The following USP36 variants were observed in gnomAD, a reference collection of about 807,000 sequenced individuals.
The protein encoded by USP36 is ubiquitin specific peptidase 36.
A neutral mutation model predicts 111.5 loss-of-function variants in USP36; 59 were observed. The observed-to-expected ratio is 0.53, with a 90% CI of 0.43 to 0.66. The LOEUF (loss-of-function observed/expected upper bound fraction) is 0.66. Ranked by LOEUF, USP36 falls within the 30% of genes least tolerant of loss-of-function variation. The probability of loss-of-function intolerance (pLI) is 0.00; values close to 1 mark genes in which losing one functional copy is unlikely to be tolerated. For synonymous variants in USP36, 628 were observed against 581.0 expected (o/e 1.08, Z -1.16); for missense variants, 1,488 against 1,468.0 (o/e 1.01, Z -0.22).
intron 5 of USP36, among the ~76,000 whole-genome samples, chr17:78,827,926 A>T (rs941029625): frequency 6.6e-6 from 1 of 152,140 alleles, no homozygotes; most frequent in African/African-American, 2.4e-5. Context: ...GAAAAAGAAT[A>T]AAGAATGTAA....
chr17:78,806,957 AC>A lies in USP36; in HGVS notation c.2085+1del. 1.2e-6 allele frequency: 2 copies of A among 1,613,592 alleles called. No individual in the cohort carries two copies. Among genetic ancestry groups the A allele is most frequent in the Non-Finnish European group, 1.7e-6 (2 of 1,179,632 alleles). ...GCAGCGGCGAGACCCCCACACACCC[AC>A]CTTCTTGGCAGAAAGGGCCAGTTTT... On this transcript the variant is annotated splice_donor_variant, in intron 14 of 20. Coordinates refer to ENST00000449938, the MANE Select transcript of USP36 (RefSeq NM_001385174.1). LOFTEE classifies it high-confidence loss of function.
rs752631032 is a variant in USP36, at chr17:78,807,031, G to T, written c.2013C>A (p.Ser671Arg). The T allele has an allele frequency of 1.9e-6, 3 of 1,614,116 alleles. No individual in the cohort carries two copies. Among genetic ancestry groups the T allele is most frequent in the Non-Finnish European group, 2.5e-6 (3 of 1,180,042 alleles). The change falls in exon 14 of 21, where the codon AGC (serine) becomes AGA (arginine). Residue 671 changes from serine to arginine, a missense_variant. Physicochemically the swap from Ser to Arg is moderately radical, Grantham distance 110. Transcript: ENST00000449938. ...KTVKLKSPVL[S>R]NTTTEPASTM... is the part of the protein sequence containing the mutation. The stretch of plus-strand genomic sequence containing the variant: ...TGCTTGCAGGCTCAGTGGTGGTGTT[G>T]CTCAGGACAGGGGACTTCAGCTTCA...
downstream of USP36, among the ~76,000 whole-genome samples, chr17:78,790,769 A>G (rs1332753034): frequency 6.6e-6 from 1 of 152,204 alleles, no homozygotes; most frequent in Non-Finnish European, 1.5e-5. Context: ...TTTCGCAGCA[A>G]GTATTTGCCA....
At position 78,803,911 on chromosome 17, in the gene USP36, G is replaced by A. The variant is rs2093822076; in HGVS notation, c.2284C>T (p.Leu762=). 5 of 1,545,652 alleles carry A rather than the reference G, an allele frequency of 3.2e-6. No homozygotes were observed. The highest frequency in any genetic ancestry group is 2.5e-5 in the East Asian group (1 of 40,006). The part of the protein sequence containing the change: ...QPPFSPHPTL[L]SSTPKPPGTS... ...CCTGGGGGCTTGGGGGTACTGGACA[G>A]CAATGTGGGGTGGGGGCTGAAGGGG... The change falls in exon 16 of 21, where the codon CTG becomes TTG. Residue 762 remains leucine, a synonymous_variant. Coordinates refer to ENST00000449938, the MANE Select transcript of USP36 (RefSeq NM_001385174.1). The surrounding 1 kb of genome is among the most constrained non-coding windows in gnomAD (Gnocchi z 4.6).
At chr17:78,819,022 T>G in intron 9 of USP36, 1 of 359,138 alleles carries the variant, frequency 2.8e-6, no homozygotes, top group East Asian at 5.8e-5. Flanking sequence ...AAAAGTACTG[T>G]ACCCACCAGG....
At chr17:78,808,265 CAG>C (rs1185157776) in intron 13 of USP36, among the ~76,000 whole-genome samples, 4 of 152,154 alleles carry the variant, frequency 2.6e-5, no homozygotes. Context: ...ATCTTTAAGA[CAG>C]AGCCTTGCTC....
chr17:78,790,297 T>G (rs568724433), intron 3 of USP36, among the ~76,000 whole-genome samples: 1 of 151,814 alleles, frequency 6.6e-6, no homozygotes, highest in African/African-American at 2.4e-5. Flanking sequence ...TTTTTCTTTT[T>G]CTTTTTTTTT....
chr17:78,815,836 C>A (rs977646448), intron 10 of USP36, among the ~76,000 whole-genome samples: 1 of 150,606 alleles, frequency 6.6e-6, no homozygotes, highest in Non-Finnish European at 1.5e-5. Flanking sequence ...CACATATATA[C>A]ATACACACAC....
chr17:78,799,033 A>G lies in USP36; in HGVS notation c.3125-10T>C. The G allele has an allele frequency of 6.2e-7, 1 of 1,613,406 alleles. No homozygotes were observed. The highest frequency in any genetic ancestry group is 1.6e-4 in the Middle Eastern group (1 of 6,062). Reference sequence around the variant, plus strand: ...CCATCCCAGGTCAGAACTACCAGGCAGACACGGGGGTCAGCACGAGTGCAG... The same window carrying G: ...CCATCCCAGGTCAGAACTACCAGGCGGACACGGGGGTCAGCACGAGTGCAG... On this transcript the variant is annotated splice_polypyrimidine_tract_variant and intron_variant, in intron 18 of 20. Coordinates refer to ENST00000449938, the MANE Select transcript of USP36 (RefSeq NM_001385174.1).
At position 78,821,845 on chromosome 17, in the gene USP36, A is replaced by G. The variant is rs2094338580; in HGVS notation, c.757+92T>C. On this transcript the variant is annotated intron_variant, in intron 7 of 20. Coordinates refer to ENST00000449938, the MANE Select transcript of USP36 (RefSeq NM_001385174.1). ...ACTGACCCAGGTCTGCACAGCGAAG[A>G]AAGAGCCCCAGCCTGCGTTCCAACT... is the stretch of plus-strand genomic sequence containing the variant. The G allele has an allele frequency of 3.4e-6, 5 of 1,467,850 alleles. No homozygotes were observed. The South Asian group carries it at 3.5e-5, about 10-fold the overall frequency. 90.9% of individuals were successfully genotyped at this position (1,467,850 alleles called of 1,614,324 possible).
Position 78,821,031 on chromosome 17 carries a change from T to C in USP36, c.788A>G (p.Asp263Gly). The change falls in exon 8 of 21, where the codon GAC becomes GGC. Residue 263 changes from aspartate (D) to glycine (G), a missense_variant. By Grantham distance (94) the Asp-to-Gly change is moderately conservative. Around this residue, in one of 3 missense-constraint regions of USP36, gnomAD observed 196 missense variants for 264.4 expected, o/e 0.74. Transcript: ENST00000449938. ...VKCSVCKSVS[D>G]TYDPYLDVAL... ...GACGTCCAAGTAGGGGTCGTAGGTG[T>C]CCGAGACGCTCTTGCACACGGAGCA... 6.2e-7 allele frequency: 1 copy of C among 1,607,316 alleles called. No individual in the cohort carries two copies. The highest frequency in any genetic ancestry group is 8.5e-7 in the Non-Finnish European group (1 of 1,176,876).
chr17:78,835,540 G>A (rs1479428981), intron 3 of USP36, 39 bp from the exon 4 acceptor site: 15 of 1,552,308 alleles, frequency 9.7e-6, no homozygotes, highest in African/African-American at 4.1e-5. Flanking sequence ...AGAGGAAGAC[G>A]TAAGTCCACA....
intron 2 of USP36, among the ~76,000 whole-genome samples, chr17:78,838,204 C>T (rs575093284): frequency 2.6e-5 from 4 of 151,930 alleles, no homozygotes; most frequent in African/African-American, 9.7e-5. Flanking sequence ...AGATGTTTCT[C>T]TACTAAAAAT....
At chr17:78,832,403 C>T (rs2068224253) in intron 4 of USP36, among the ~76,000 whole-genome samples, 1 of 152,210 alleles carries the variant, frequency 6.6e-6, no homozygotes. Flanking sequence ...AAAAAGGCCA[C>T]AACGTCTCTT....
chr17:78,813,137 G>C (rs2094108147), intron 12 of USP36, 136 bp from the exon 13 acceptor site: 4 of 1,126,232 alleles, frequency 3.6e-6, no homozygotes, highest in Non-Finnish European at 5.0e-6. Flanking sequence ...CACTTCTCTG[G>C]AATCTCCCTT....
At chr17:78,821,718 G>A (rs184119073) in intron 7 of USP36, among the ~76,000 whole-genome samples, 8 of 152,052 alleles carry the variant, frequency 5.3e-5, no homozygotes, top group African/African-American at 1.4e-4. Context: ...GATTACAGGC[G>A]TGAGCCACCA....
chr17:78,818,881 G>A (rs1005796019), intron 9 of USP36, 103 bp from the exon 10 acceptor site: 3 of 1,170,580 alleles, frequency 2.6e-6, no homozygotes, highest in African/African-American at 3.0e-5. Flanking sequence ...CTCTGTAATA[G>A]TGGAATCTTC....
chr17:78,806,248 A>G lies in USP36; in HGVS notation c.2124T>C (p.Arg708=). Residue 708 remains arginine (R), a synonymous_variant, in exon 15 of 21, where the codon CGT becomes CGC. Coordinates refer to ENST00000449938, the MANE Select transcript of USP36 (RefSeq NM_001385174.1). ...CGGAGGATGGTGAGGGGGGAGGTGG[A>G]CGGAGGTCATTGCCGGTCGCCCTCC... ...TLWRATGNDL[R]PPPPSPSSDL... is the part of the protein sequence containing the mutation. 1.2e-6 allele frequency: 2 copies of G among 1,613,806 alleles called. No homozygotes were observed. Among genetic ancestry groups the G allele is most frequent in the Non-Finnish European group, 1.7e-6 (2 of 1,179,986 alleles).
chr17:78,810,174 A>C (rs1393070583), intron 13 of USP36, among the ~76,000 whole-genome samples: 4 of 150,546 alleles, frequency 2.7e-5, no homozygotes, highest in Admixed American at 2.0e-4. Flanking sequence ...CCTGGAATTC[A>C]CCAGCGTGAT....
Sources: allele counts gnomAD v4.1 joint callset (sites outside exome capture counted in the v4.1 genomes callset), GRCh38; gene constraint gnomAD v4.1.1; regional missense constraint gnomAD v4.1.1; non-coding constraint Gnocchi (gnomAD v3.1); transcripts MANE v1.5; gene names NCBI Gene and HGNC (gene_info 2026-07-23, HGNC 2026-07-21).